Variants in NOTCH1 observed in about 807,000 individuals in gnomAD.
The protein encoded by NOTCH1 is notch receptor 1.
A neutral mutation model predicts 254.8 loss-of-function variants in NOTCH1; 37 were observed. The ratio of observed to expected loss-of-function variants is 0.15; its 90% CI spans 0.11 to 0.19. The LOEUF (loss-of-function observed/expected upper bound fraction) is 0.19. Ranked by LOEUF, NOTCH1 falls within the 10% of genes least tolerant of loss-of-function variation. NOTCH1 has a pLI of 1.00. For missense variants in NOTCH1, 2,972 were observed against 3,708.6 expected, an observed-to-expected ratio of 0.80 and a Z score of 5.16; for synonymous variants, 1,731 against 1,618.1, an observed-to-expected ratio of 1.07 and a Z score of -1.68.
Position 136,516,020 on chromosome 9 carries a change from G to A in NOTCH1, c.1630C>T (p.Leu544=), listed in dbSNP as rs2133365199. 2 of 1,612,170 alleles carry A rather than the reference G, an allele frequency of 1.2e-6. No individual in the cohort carries two copies. The highest frequency in any genetic ancestry group is 1.7e-6 in the Non-Finnish European group (2 of 1,179,878). The change falls in exon 10 of 34, where the codon CTG becomes TTG. Residue 544 remains leucine (L), a synonymous_variant. Transcript: ENST00000651671. ...STPCKNGAKC[L]DGPNTYTCVC... The stretch of plus-strand genomic sequence containing the variant: ...CAGGTGTAAGTGTTGGGTCCGTCCA[G>A]GCACTTGGCACCATTCTTGCAGGGG...
At chr9:136,522,553 T>C in intron 4 of NOTCH1, 1 of 434,502 alleles carries the variant, frequency 2.3e-6, no homozygotes, top group Admixed American at 4.1e-5. Flanking sequence ...GTTGCGCAAG[T>C]CAGGGTGCCT....
At position 136,510,908 on chromosome 9, in the gene NOTCH1, T is replaced by C. The variant is rs1278207381; in HGVS notation, c.2588-103A>G. The C allele has an allele frequency of 3.3e-6, 5 of 1,521,496 alleles. No homozygotes were observed. The East Asian group carries it at 9.2e-5, about 28-fold the overall frequency. 94.2% of individuals were successfully genotyped at this position (1,521,496 alleles called of 1,614,324 possible). A position where few individuals can be genotyped will look rare whatever the true frequency, so the allele number is the denominator to read the frequency against. On this transcript the variant is annotated intron_variant, in intron 16 of 33. Transcript: ENST00000651671. ...TACAGTGCCTCTCCCGACCCAGGAG[T>C]AGGCTTCCGTGACCCCAGGACCATC...
chr9:136,510,543 A>G, intron 17 of NOTCH1, 110 bp downstream of exon 17: 2 of 1,429,194 alleles, frequency 1.4e-6, no homozygotes, highest in South Asian at 2.5e-5. Context: ...CCCCGGCCAC[A>G]CTCCGGCCTC....
chr9:136,499,941 C>G (rs1842971195), intron 31 of NOTCH1, among the ~76,000 whole-genome samples: 1 of 152,210 alleles, frequency 6.6e-6, no homozygotes, highest in Non-Finnish European at 1.5e-5. Context: ...ATGAGAAGCT[C>G]TGTGGTAACT....
chr9:136,502,953 C>T, intron 27 of NOTCH1: 1 of 701,404 alleles, frequency 1.4e-6, no homozygotes, highest in Non-Finnish European at 2.6e-6. Context: ...AGCAGGCACC[C>T]ACTTTCCCGT....
intron 16 of NOTCH1, 73 bp from the exon 17 acceptor site, chr9:136,510,878 C>A: frequency 6.3e-7 from 1 of 1,587,358 alleles, no homozygotes; most frequent in Non-Finnish European, 8.5e-7. Flanking sequence ...GCTGGCCCAC[C>A]CACCTACAGT....
Position 136,494,644 on chromosome 9 carries a change from G to A in NOTCH1, c.*1427C>T, listed in dbSNP as rs1031480434. 47 of 398,710 alleles carry A rather than the reference G, an allele frequency of 1.2e-4. No individual in the cohort carries two copies. The highest frequency in any genetic ancestry group is 1.8e-5 in the Non-Finnish European group (4 of 226,058). 24.7% of individuals were successfully genotyped at this position (398,710 alleles called of 1,614,324 possible). ...GATGGCACCACGCGGCCCCCGTAGA[G>A]CCGGGGGAGGCTGCCCTGAGGAGTG... On this transcript the variant is annotated 3_prime_UTR_variant, in exon 34 of 34. Coordinates refer to ENST00000651671, the MANE Select transcript of NOTCH1 (RefSeq NM_017617.5).
At chr9:136,509,535 C>G (rs1163131821) in intron 18 of NOTCH1, among the ~76,000 whole-genome samples, 198 bp downstream of exon 18, 1 of 152,168 alleles carries the variant, frequency 6.6e-6, no homozygotes. Context: ...GCTCCTGGTG[C>G]GGGACACAGG....
chr9:136,496,823 C>G lies in NOTCH1; in HGVS notation c.6916G>C (p.Gly2306Arg). 6.2e-7 allele frequency: 1 copy of G among 1,612,960 alleles called. No individual in the cohort carries two copies. ...FTVGGSTSLN[G>R]QCEWLSRLQS... ...AGCCGGGACAGCCACTCGCATTGACCATTCAAACTGGTGGACCCGCCCACA... is the reference window on the plus strand; with the variant it reads ...AGCCGGGACAGCCACTCGCATTGACGATTCAAACTGGTGGACCCGCCCACA... Residue 2306 changes from glycine to arginine, a missense_variant, in exon 34 of 34, where the codon GGT becomes CGT. Transcript: ENST00000651671.
intron 1 of NOTCH1, 38 bp from the exon 2 acceptor site, chr9:136,544,140 G>GCAC (rs760549353): frequency 4.6e-5 from 71 of 1,530,866 alleles, no homozygotes; most frequent in African/African-American, 1.1e-4. Flanking sequence ...AGTCTCACCC[G>GCAC]CACCACCACC....
At position 136,540,467 on chromosome 9, in the gene NOTCH1, G is replaced by A. The variant is rs982332669; in HGVS notation, c.140+3557C>T. Among the ~76,000 whole-genome samples, 2 of 152,132 alleles carry A rather than the reference G, an allele frequency of 1.3e-5. No individual in the cohort carries two copies. Among genetic ancestry groups the A allele is most frequent in the East Asian group, 1.9e-4 (1 of 5,200 alleles). On this transcript the variant is annotated intron_variant, in intron 2 of 33. Transcript: ENST00000651671. This position sits in a 1 kb window ranked among gnomAD's most constrained non-coding sequence, Gnocchi z 4.4. ...CCTTTAGGATTCTCTGAATTCACTC[G>A]TCAATCAATTAAACATTCAGGAAGG...
At chr9:136,517,466 C>T (rs569952048) in intron 8 of NOTCH1, 81 bp from the exon 9 acceptor site, 18 of 1,031,860 alleles carry the variant, frequency 1.7e-5, no homozygotes, top group Non-Finnish European at 1.9e-5. Context: ...GGGACAGAAA[C>T]GAACCCTGCC....
intron 16 of NOTCH1, 44 bp from the exon 17 acceptor site, chr9:136,510,849 C>G (rs762365506): frequency 6.2e-7 from 1 of 1,601,286 alleles, no homozygotes; most frequent in Admixed American, 1.7e-5. Flanking sequence ...CGGCCCCTGG[C>G]CCTCCAGGCC....
Position 136,513,551 on chromosome 9 carries a change from C to G in NOTCH1, c.2208-14G>C. 6.2e-7 allele frequency: 1 copy of G among 1,612,768 alleles called. No individual in the cohort carries two copies. Among genetic ancestry groups the G allele is most frequent in the African/African-American group, 1.3e-5 (1 of 75,038 alleles). ...TCGCACTTGTACCTGCAAGGGGGACCACACTGCAGGTCGAGGGAGGCCCGA... is the reference window on the plus strand; with the variant it reads ...TCGCACTTGTACCTGCAAGGGGGACGACACTGCAGGTCGAGGGAGGCCCGA... On this transcript the variant is annotated splice_polypyrimidine_tract_variant and intron_variant, in intron 13 of 33. Transcript: ENST00000651671. The surrounding 1 kb of genome is among the most constrained non-coding windows in gnomAD (Gnocchi z 4.7).
chr9:136,496,747 G>A lies in NOTCH1; in HGVS notation c.6992C>T (p.Ala2331Val), dbSNP rs765713070. Residue 2331 changes from alanine to valine, a missense_variant, in exon 34 of 34, where the codon GCA becomes GTA. Physicochemically the swap from Ala to Val is moderately conservative, Grantham distance 64 (BLOSUM62 0). Coordinates refer to ENST00000651671, the MANE Select transcript of NOTCH1 (RefSeq NM_017617.5). ...NQYNPLRGSV[A>V]PGPLSTQAPS... Reference sequence around the variant, plus strand: ...GGCCTGTGTGCTCAGGGGGCCTGGTGCCACACTCCCCCGCAGAGGGTTGTA... The same window carrying A: ...GGCCTGTGTGCTCAGGGGGCCTGGTACCACACTCCCCCGCAGAGGGTTGTA... 6.2e-7 allele frequency: 1 copy of A among 1,612,792 alleles called. No homozygotes were observed. The highest frequency in any genetic ancestry group is 8.5e-7 in the Non-Finnish European group (1 of 1,179,996).
At position 136,519,844 on chromosome 9, in the gene NOTCH1, C is replaced by T. The variant is rs564282262; in HGVS notation, c.743-279G>A. ...CCCTTGGGTCTCTTTTAAGAGGTTC[C>T]GGCAGCTCCTGCACCTGGGTGCCGC... On this transcript the variant is annotated intron_variant, in intron 4 of 33. Transcript: ENST00000651671. Among the ~76,000 whole-genome samples, 41 of 152,346 alleles carry T rather than the reference C, an allele frequency of 2.7e-4. No individual in the cohort carries two copies. In the South Asian group the frequency reaches 7.5e-3, roughly 28 times the overall value.
intron 10 of NOTCH1, 25 bp from the exon 11 acceptor site, chr9:136,515,741 A>G (rs375519167): frequency 6.6e-7 from 1 of 1,526,258 alleles, no homozygotes. Flanking sequence ...GGGCGGGCAC[A>G]GGAAGACTTA....
chr9:136,518,053 C>A, intron 7 of NOTCH1, 84 bp downstream of exon 7: 1 of 1,552,912 alleles, frequency 6.4e-7, no homozygotes, highest in East Asian at 2.4e-5. Flanking sequence ...ACTGGGCACC[C>A]CCTGAAGCCA....
chr9:136,523,730 C>T lies in NOTCH1; in HGVS notation c.390G>A (p.Pro130=), dbSNP rs61751559. 166 of 1,607,342 alleles carry T rather than the reference C, an allele frequency of 1.0e-4. No individual in the cohort carries two copies. The highest frequency in any genetic ancestry group is 6.0e-4 in the Middle Eastern group (3 of 4,982). ...GTCCTCCCTCACCTGACCAGCCGGGCGGGCAGCGGCACTTGTACTCCGTCA... is the reference window on the plus strand; with the variant it reads ...GTCCTCCCTCACCTGACCAGCCGGGTGGGCAGCGGCACTTGTACTCCGTCA... ...LTLTEYKCRC[P]PGWSGKSCQQ... is the part of the protein sequence containing the mutation. Residue 130 remains proline (P), a synonymous_variant, in exon 3 of 34, where the codon CCG becomes CCA. Transcript: ENST00000651671.
Sources: gnomAD v4.1 joint callset for allele counts (sites outside exome capture counted in the v4.1 genomes callset) on GRCh38, gnomAD v4.1.1 for gene constraint, Gnocchi (gnomAD v3.1) non-coding constraint, MANE v1.5 for transcripts, NCBI Gene and HGNC (gene_info 2026-07-23, HGNC 2026-07-21) for gene names.